The following NFIA variants were observed in gnomAD, a reference collection of about 807,000 sequenced individuals.
The protein encoded by NFIA is nuclear factor I A.
In NFIA, 8 loss-of-function variants were observed where a neutral mutation model predicts 62.8. That is an observed-to-expected ratio of 0.13 (90% confidence interval 0.07 to 0.23). The LOEUF (loss-of-function observed/expected upper bound fraction) is 0.23. NFIA is among the 10% of genes least tolerant of loss of function. The probability of loss-of-function intolerance (pLI) is 1.00; values close to 1 mark genes in which losing one functional copy is unlikely to be tolerated. For synonymous variants in NFIA, 235 were observed against 238.1 expected, an observed-to-expected ratio of 0.99 and a Z score of 0.12; for missense variants, 410 against 642.1, an observed-to-expected ratio of 0.64 and a Z score of 3.91.
intron 2 of NFIA, among the ~76,000 whole-genome samples, chr1:61,139,673 T>C (rs1251851128): frequency 6.6e-6 from 1 of 152,122 alleles, no homozygotes. Flanking sequence ...TGTACAGTTA[T>C]TGGGAAGTGA....
In NFIA at chr1:61,249,458, G is replaced by C. The variant is rs146851314; in HGVS notation, c.560-28062G>C. Among the ~76,000 whole-genome samples the C allele has an allele frequency of 1.5e-3, 231 of 152,306 alleles. 4 individuals are homozygous for C. The East Asian group carries it at 0.04, about 26-fold the overall frequency. On this transcript the variant is annotated intron_variant, in intron 2 of 10. Coordinates refer to ENST00000403491, the MANE Select transcript of NFIA (RefSeq NM_001134673.4). ...GGGTATTTGCTATTAGATGGGGGAGGTGGAAGGAATGTATCAAAAATGAAT... is the reference window on the plus strand; with the variant it reads ...GGGTATTTGCTATTAGATGGGGGAGCTGGAAGGAATGTATCAAAAATGAAT...
chr1:61,198,196 A>G (rs1436643462), intron 2 of NFIA, among the ~76,000 whole-genome samples: 7 of 152,134 alleles, frequency 4.6e-5, no homozygotes, highest in African/African-American at 1.7e-4. Flanking sequence ...TTCATCACAG[A>G]AAAAAAATTC....
chr1:61,338,856 T>C (rs189858941), intron 4 of NFIA, among the ~76,000 whole-genome samples: 9 of 152,368 alleles, frequency 5.9e-5, no homozygotes, highest in African/African-American at 1.9e-4. Context: ...AGTGGCCTGT[T>C]GGTTTTCCTG....
chr1:61,376,647 C>CT (rs1242494911), intron 6 of NFIA, among the ~76,000 whole-genome samples: 3 of 152,032 alleles, frequency 2.0e-5, no homozygotes, highest in Admixed American at 1.3e-4. Context: ...TATACCCTTC[C>CT]TTTTTTTCCC....
At chr1:61,111,965 T>C (rs1275853442) in intron 2 of NFIA, among the ~76,000 whole-genome samples, 1 of 152,112 alleles carries the variant, frequency 6.6e-6, no homozygotes, top group Non-Finnish European at 1.5e-5. Flanking sequence ...TAAATACCAG[T>C]TGTGTAGATT....
chr1:61,455,695 G>C lies in NFIA; in HGVS notation c.*375G>C, dbSNP rs918388092. Reference sequence around the variant, plus strand: ...TAACACACTTTCCTTACGGAGCCTGGCTGTTTCACAGTATTTCATGAATTT... The same window carrying C: ...TAACACACTTTCCTTACGGAGCCTGCCTGTTTCACAGTATTTCATGAATTT... On this transcript the variant is annotated 3_prime_UTR_variant, in exon 11 of 11. Coordinates refer to ENST00000403491, the MANE Select transcript of NFIA (RefSeq NM_001134673.4). 2 of 297,482 alleles carry C rather than the reference G, an allele frequency of 6.7e-6. No homozygotes were observed. Among genetic ancestry groups the C allele is most frequent in the African/African-American group, 4.4e-5 (2 of 45,774 alleles). The allele number at this position is 297,482 out of a possible 1,614,324, so 18.4% of individuals were successfully genotyped here.
At chr1:61,097,808 T>C (rs1274846550) in intron 2 of NFIA, among the ~76,000 whole-genome samples, 1 of 152,232 alleles carries the variant, frequency 6.6e-6, no homozygotes, top group African/African-American at 2.4e-5. Context: ...CTACATAAAA[T>C]GAATATTGTA....
chr1:61,335,459 G>C (rs1446793502), intron 4 of NFIA, among the ~76,000 whole-genome samples: 1 of 152,176 alleles, frequency 6.6e-6, no homozygotes, highest in African/African-American at 2.4e-5. Context: ...GTTCCCCCAT[G>C]TGGGAAAAGA....
At chr1:61,175,265 T>C (rs1465844819) in intron 2 of NFIA, among the ~76,000 whole-genome samples, 3 of 152,104 alleles carry the variant, frequency 2.0e-5, no homozygotes, top group Admixed American at 6.5e-5. Context: ...CCTCAGTCTT[T>C]TGAGTAGCTG....
intron 2 of NFIA, among the ~76,000 whole-genome samples, chr1:61,266,988 A>G (rs889330099): frequency 2.0e-5 from 3 of 152,156 alleles, no homozygotes; most frequent in African/African-American, 7.2e-5. Context: ...TCAGGGAGGT[A>G]AAGGGGCTTG....
At chr1:61,321,787 A>G (rs1426847137) in intron 3 of NFIA, among the ~76,000 whole-genome samples, 2 of 152,124 alleles carry the variant, frequency 1.3e-5, no homozygotes, top group Admixed American at 1.3e-4. Context: ...ACAAATAGGT[A>G]AAAATCTTTT....
intron 1 of NFIA, 134 bp downstream of exon 1, chr1:61,082,952 G>A (rs1439707697): frequency 1.3e-6 from 1 of 743,376 alleles, no homozygotes; most frequent in Non-Finnish European, 1.9e-6. Context: ...CTGTGTCTGC[G>A]CGTGTTTCTG....
At chr1:61,130,719 C>G (rs1570226875) in intron 2 of NFIA, among the ~76,000 whole-genome samples, 1 of 152,186 alleles carries the variant, frequency 6.6e-6, no homozygotes, top group Admixed American at 6.5e-5. Context: ...GTTCCACATA[C>G]ACTTCAGTGG....
chr1:61,102,612 A>G (rs771371620), intron 2 of NFIA, among the ~76,000 whole-genome samples: 6 of 152,192 alleles, frequency 3.9e-5, no homozygotes, highest in Non-Finnish European at 8.8e-5. Flanking sequence ...AAAACTGAAC[A>G]CATTAATGAT....
In NFIA at chr1:61,359,198, G is replaced by A; in HGVS notation, c.870G>A (p.Glu290=). ...SVEDEMDSPG[E]EPFYTGQGRS... ...AGGATGAAATGGACAGTCCTGGTGAGGAGCCATTTTATACAGGCCAAGGGC... is the reference window on the plus strand; with the variant it reads ...AGGATGAAATGGACAGTCCTGGTGAAGAGCCATTTTATACAGGCCAAGGGC... The change falls in exon 6 of 11, where the codon GAG becomes GAA. Residue 290 remains glutamate, a synonymous_variant. Transcript: ENST00000403491. 1.2e-6 allele frequency: 2 copies of A among 1,613,280 alleles called. No homozygotes were observed. The highest frequency in any genetic ancestry group is 8.5e-7 in the Non-Finnish European group (1 of 1,179,982).
chr1:61,180,524 T>C (rs1461185016), intron 2 of NFIA, among the ~76,000 whole-genome samples: 1 of 152,200 alleles, frequency 6.6e-6, no homozygotes, highest in Non-Finnish European at 1.5e-5. Flanking sequence ...AATACGACTT[T>C]ATTACCAAGA....
intron 9 of NFIA, among the ~76,000 whole-genome samples, chr1:61,417,192 T>C (rs139805896): frequency 1.0e-3 from 155 of 151,838 alleles, no homozygotes; most frequent in African/African-American, 3.7e-3. Context: ...TTGCAAAATA[T>C]AGAAAAGCAT....
intron 2 of NFIA, among the ~76,000 whole-genome samples, chr1:61,153,934 C>G (rs1445184891): frequency 6.6e-6 from 1 of 152,106 alleles, no homozygotes; most frequent in African/African-American, 2.4e-5. Flanking sequence ...ACCCAAAGGC[C>G]CTTGTTACAT....
At chr1:61,144,803 T>A (rs1484519135) in intron 2 of NFIA, among the ~76,000 whole-genome samples, 2 of 152,076 alleles carry the variant, frequency 1.3e-5, no homozygotes, top group Non-Finnish European at 2.9e-5. Flanking sequence ...AAAGAATGGG[T>A]AGATGTTTAT....
Sources: allele counts gnomAD v4.1 joint callset (sites outside exome capture counted in the v4.1 genomes callset), GRCh38; gene constraint gnomAD v4.1.1; transcripts MANE v1.5; gene names NCBI Gene and HGNC (gene_info 2026-07-23, HGNC 2026-07-21).